The following VCL variants were observed in gnomAD, a reference collection of about 807,000 sequenced individuals.
VCL encodes the protein epididymis luminal protein 114.
Under a neutral mutation model 125.7 loss-of-function variants are expected in VCL, and 47 were observed. The observed-to-expected ratio is 0.37, with a 90% CI of 0.30 to 0.48. The LOEUF is 0.48. Among genes scored for constraint, VCL ranks in the 20% least tolerant of loss-of-function variants. The pLI, the probability that VCL is intolerant of heterozygous loss-of-function variation, is 0.99. For synonymous variants in VCL, 458 were observed against 514.6 expected, an observed-to-expected ratio of 0.89 and a Z score of 1.49; for missense variants, 1,069 against 1,455.5, an observed-to-expected ratio of 0.73 and a Z score of 4.32.
At chr10:74,070,550 G>A in intron 2 of VCL, 120 bp from the exon 3 acceptor site, 2 of 1,419,152 alleles carry the variant, frequency 1.4e-6, no homozygotes, top group Non-Finnish European at 2.0e-6. Flanking sequence ...AATTGGTCTT[G>A]GCTATTTTTC....
rs1297753845 is a variant in VCL, at chr10:73,998,273, C to A, written c.66C>A (p.His22Gln). The A allele has an allele frequency of 6.2e-7, 1 of 1,611,310 alleles. No individual in the cohort carries two copies. Among genetic ancestry groups the A allele is most frequent in the South Asian group, 1.1e-5 (1 of 90,558 alleles). Residue 22 changes from histidine (H) to glutamine (Q), a missense_variant, in exon 1 of 22, where the codon CAC becomes CAA. By Grantham distance (24) the His-to-Gln change is conservative. This residue lies in a region of VCL where 96 missense variants were observed against 137.6 expected (regional missense o/e 0.70). Transcript: ENST00000211998. ...AGCCGGTGGCACAGCAGATCTCCCA[C>A]CTGGTGATAATGCACGAGGAGGGCG... ...ILEPVAQQISHLVIMHEEGEV... is the reference protein window; with the variant it reads ...ILEPVAQQISQLVIMHEEGEV...
intron 2 of VCL, among the ~76,000 whole-genome samples, chr10:74,055,634 C>T (rs764450352): frequency 2.0e-5 from 3 of 152,044 alleles, no homozygotes; most frequent in Non-Finnish European, 4.4e-5. Context: ...AGGCGTTAGC[C>T]ACCACGCCTG....
intron 1 of VCL, among the ~76,000 whole-genome samples, chr10:74,026,974 A>C (rs1316253046): frequency 6.6e-6 from 1 of 152,256 alleles, no homozygotes; most frequent in Non-Finnish European, 1.5e-5. Context: ...TTACATGCCC[A>C]GGCTTATCTG....
At chr10:74,000,259 CTTTTTTTTT>C (rs34197555) in intron 1 of VCL, among the ~76,000 whole-genome samples, 36 of 114,828 alleles carry the variant, frequency 3.1e-4, no homozygotes, top group African/African-American at 1.2e-3. Context: ...TTGTATTTTG[CTTTTTTTTT>C]TTTTTTTTTT....
intron 21 of VCL, among the ~76,000 whole-genome samples, chr10:74,116,640 C>T (rs921114745): frequency 2.7e-5 from 4 of 150,550 alleles, no homozygotes; most frequent in South Asian, 2.1e-4. Context: ...GAGCCGAGAT[C>T]GTGCCATTGC....
At chr10:74,037,274 T>A (rs1473455859) in intron 1 of VCL, among the ~76,000 whole-genome samples, 1 of 152,176 alleles carries the variant, frequency 6.6e-6, no homozygotes, top group Non-Finnish European at 1.5e-5. Context: ...AATTTTCTGT[T>A]TTGATGGTGA....
chr10:74,067,810 A>G (rs1841597320), intron 2 of VCL, among the ~76,000 whole-genome samples: 1 of 152,230 alleles, frequency 6.6e-6, no homozygotes, highest in Non-Finnish European at 1.5e-5. Context: ...AAAGCAGATT[A>G]GCGGTTATCA....
At chr10:74,052,983 T>C (rs2136257697) in intron 2 of VCL, among the ~76,000 whole-genome samples, 1 of 150,742 alleles carries the variant, frequency 6.6e-6, no homozygotes, top group East Asian at 1.9e-4. Flanking sequence ...GAATTTAATT[T>C]GCTAATATTT....
intron 5 of VCL, among the ~76,000 whole-genome samples, chr10:74,074,508 C>T (rs1054041850): frequency 3.3e-5 from 5 of 152,128 alleles, no homozygotes; most frequent in Non-Finnish European, 5.9e-5. Context: ...AAATTAGTTA[C>T]TTAATCATGT....
intron 9 of VCL, 97 bp downstream of exon 9, chr10:74,089,446 G>A (rs1839842214): frequency 1.3e-6 from 2 of 1,559,928 alleles, no homozygotes; most frequent in Non-Finnish European, 1.7e-6. Context: ...ATCATTTACT[G>A]TGGTTGGATA....
In VCL at chr10:74,097,252, G is replaced by A. The variant is rs397517235; in HGVS notation, c.1792G>A (p.Val598Ile). Residue 598 changes from valine to isoleucine, a missense_variant, in exon 13 of 22, where the codon GTT becomes ATT. This residue lies in a region of VCL where 760 missense variants were observed against 928.9 expected (regional missense o/e 0.82). Transcript: ENST00000211998. This position sits in a 1 kb window ranked among gnomAD's most constrained non-coding sequence, Gnocchi z 4.1. ...QEAMTQEVSD[V>I]FSDTTTPIKL... ...GGCCATGACTCAGGAAGTGTCAGAT[G>A]TTTTCAGCGATACCACAACTCCCAT... 4 of 1,614,160 alleles carry A rather than the reference G, an allele frequency of 2.5e-6. No homozygotes were observed. The highest frequency in any genetic ancestry group is 3.4e-6 in the Non-Finnish European group (4 of 1,180,000).
chr10:74,016,617 G>C (rs1245941902), intron 1 of VCL, among the ~76,000 whole-genome samples: 5 of 152,058 alleles, frequency 3.3e-5, no homozygotes, highest in Admixed American at 3.3e-4. Flanking sequence ...TGAAATGTGA[G>C]GATAATCTTA....
Position 74,118,310 on chromosome 10 carries a change from TCAAATTAG to T in VCL, c.*142_*149del. ...ACATCAGAAAGGAATGGGGGCCTCT[TCAAATTAG>T]AAGACATTTATACTCTTTTTTCATG... On this transcript the variant is annotated 3_prime_UTR_variant, in exon 22 of 22. Transcript: ENST00000211998. The T allele has an allele frequency of 1.0e-6, 1 of 979,868 alleles. No individual in the cohort carries two copies. Among genetic ancestry groups the T allele is most frequent in the Non-Finnish European group, 1.6e-6 (1 of 638,410 alleles). The allele number at this position is 979,868 out of a possible 1,614,324, so 60.7% of individuals were successfully genotyped here. A position where few individuals can be genotyped will look rare whatever the true frequency, so the allele number is the denominator to read the frequency against.
In VCL at chr10:74,118,009, C is replaced by G. The variant is rs750663954; in HGVS notation, c.3259-14C>G. On this transcript the variant is annotated splice_polypyrimidine_tract_variant and intron_variant, in intron 21 of 21. Coordinates refer to ENST00000211998, the MANE Select transcript of VCL (RefSeq NM_014000.3). ...AGGGACCCTGGGTAACGGAAAGTAC[C>G]TTTTTCCTTGCAGGCCACAGAGATG... 2.5e-6 allele frequency: 4 copies of G among 1,613,828 alleles called. No individual in the cohort carries two copies. The highest frequency in any genetic ancestry group is 4.5e-5 in the East Asian group (2 of 44,890).
chr10:74,111,801 CA>C lies in VCL; in HGVS notation c.2746-107del. On this transcript the variant is annotated intron_variant, in intron 18 of 21. Coordinates refer to ENST00000211998, the MANE Select transcript of VCL (RefSeq NM_014000.3). The stretch of plus-strand genomic sequence containing the variant: ...GCTCCTAGAGAACATGTTTCTTTCT[CA>C]TCCTAGGCAGGCTTTGGTTACTAAA... 7 of 1,389,714 alleles carry C rather than the reference CA, an allele frequency of 5.0e-6. No homozygotes were observed. The South Asian group carries it at 6.2e-5, about 12-fold the overall frequency. The allele number at this position is 1,389,714 out of a possible 1,614,324, so 86.1% of individuals were successfully genotyped here.
At chr10:74,064,150 T>G (rs756350058) in intron 2 of VCL, among the ~76,000 whole-genome samples, 29 of 152,162 alleles carry the variant, frequency 1.9e-4, no homozygotes, top group Non-Finnish European at 3.7e-4. Context: ...CTCACATAAC[T>G]CACAGAAATA....
At chr10:74,093,638 T>A (rs560914587) in intron 10 of VCL, among the ~76,000 whole-genome samples, 8 of 131,218 alleles carry the variant, frequency 6.1e-5, no homozygotes, top group Admixed American at 1.4e-4. Context: ...CACGAAATAT[T>A]TTTTTTTTTA....
At chr10:74,027,124 G>A (rs977568554) in intron 1 of VCL, among the ~76,000 whole-genome samples, 2 of 152,166 alleles carry the variant, frequency 1.3e-5, no homozygotes, top group South Asian at 2.1e-4. Context: ...AGAAAAGCAC[G>A]TTCGGTTAGA....
Position 74,109,014 on chromosome 10 carries a change from G to A in VCL, c.2603G>A (p.Gly868Asp), listed in dbSNP as rs1840180255. The change falls in exon 18 of 22, where the codon GGT (glycine) becomes GAT (aspartate). Residue 868 changes from glycine (G) to aspartate (D), a missense_variant. Coordinates refer to ENST00000211998, the MANE Select transcript of VCL (RefSeq NM_014000.3). ...LAPPKPPLPE[G>D]EVPPPRPPPP... ...CCTCCCAAACCACCTCTGCCTGAAG[G>A]TGAGGTCCCTCCACCTAGGCCTCCA... 1.2e-6 allele frequency: 2 copies of A among 1,614,144 alleles called. No homozygotes were observed. Among genetic ancestry groups the A allele is most frequent in the African/African-American group, 1.3e-5 (1 of 75,032 alleles).
Sources: allele counts gnomAD v4.1 joint callset (sites outside exome capture counted in the v4.1 genomes callset), GRCh38; gene constraint gnomAD v4.1.1; regional missense constraint gnomAD v4.1.1; non-coding constraint Gnocchi (gnomAD v3.1); transcripts MANE v1.5; gene names NCBI Gene and HGNC (gene_info 2026-07-23, HGNC 2026-07-21).